Variants in ZNF536 observed in about 807,000 individuals in gnomAD.
ZNF536 encodes the protein zinc finger protein 536.
Under a neutral mutation model 84.5 loss-of-function variants are expected in ZNF536, and 13 were observed. The observed-to-expected ratio is 0.15, with a 90% CI of 0.10 to 0.24. ZNF536 has a LOEUF of 0.24. ZNF536 is among the 10% of genes least tolerant of loss of function. The pLI, the probability that ZNF536 is intolerant of heterozygous loss-of-function variation, is 1.00. For missense variants in ZNF536, 1,536 were observed against 1,747.5 expected (o/e 0.88, Z 2.16); for synonymous variants, 811 against 742.5 (o/e 1.09, Z -1.50).
chr19:30,388,193 C>T (rs2049425641), intron 1 of ZNF536, among the ~76,000 whole-genome samples: 1 of 152,218 alleles, frequency 6.6e-6, no homozygotes. Context: ...TGGCCTACTT[C>T]AGTCAACCTG....
At chr19:30,712,687 C>T (rs2052488294) in exon 2 of ZNF536, 1 of 152,226 alleles carries the variant, frequency 6.6e-6, no homozygotes, top group Non-Finnish European at 1.5e-5. Context: ...TTGGACCCAT[C>T]TGGCATAGAG....
intron 1 of ZNF536, among the ~76,000 whole-genome samples, chr19:30,408,776 T>A (rs1005006033): frequency 2.6e-5 from 4 of 151,206 alleles, no homozygotes; most frequent in African/African-American, 7.3e-5. Flanking sequence ...TATCCTTCCA[T>A]CTATTCATAC....
chr19:30,326,390 G>A (rs544271095), intron 2 of ZNF536, among the ~76,000 whole-genome samples: 1 of 152,338 alleles, frequency 6.6e-6, no homozygotes, highest in South Asian at 2.1e-4. Context: ...GAGACAGGGT[G>A]CTAATTTGGG....
intron 3 of ZNF536, among the ~76,000 whole-genome samples, chr19:30,358,382 G>T (rs2048165351): frequency 6.6e-6 from 1 of 152,130 alleles, no homozygotes; most frequent in South Asian, 2.1e-4. Context: ...GGATGCCCAG[G>T]CAGATCCAGA....
At chr19:30,285,281 A>G (rs2045587528) in intron 2 of ZNF536, among the ~76,000 whole-genome samples, 2 of 152,210 alleles carry the variant, frequency 1.3e-5, no homozygotes, top group Admixed American at 1.3e-4. Context: ...GAAATTCACA[A>G]TTCTTTGCCT....
intron 2 of ZNF536, among the ~76,000 whole-genome samples, chr19:30,511,787 A>G (rs991624600): frequency 2.0e-5 from 3 of 152,238 alleles, no homozygotes; most frequent in Admixed American, 1.3e-4. Flanking sequence ...TGGGTGGGGT[A>G]AAATGCAAGG....
upstream of ZNF536, among the ~76,000 whole-genome samples, chr19:30,370,107 A>G (rs896054782): frequency 4.6e-5 from 7 of 152,198 alleles, no homozygotes; most frequent in African/African-American, 1.7e-4. Context: ...AGACACTTCA[A>G]ACAGTTCTCC....
In ZNF536 at chr19:30,577,012, G is replaced by C. The variant is rs58774793; in HGVS notation, c.169+27498G>C. On this transcript the variant is annotated intron_variant, in intron 1 of 1. Coordinates refer to the ZNF536 transcript ENST00000592773. ...TGTTTTTTGTTGTTGTTGTTGTTTT[G>C]TTTCTTAAACACCTTGATAGGTTTT... 9.4e-3 allele frequency among the ~76,000 whole-genome samples: 1,431 copies of C among 152,188 alleles called. 23 individuals carry two copies. Among genetic ancestry groups the C allele is most frequent in the African/African-American group, 0.033 (1,379 of 41,504 alleles).
At chr19:30,422,871 A>T (rs956415132) in intron 1 of ZNF536, among the ~76,000 whole-genome samples, 11 of 117,034 alleles carry the variant, frequency 9.4e-5, no homozygotes, top group African/African-American at 3.8e-4. Flanking sequence ...CCATCCATCC[A>T]TCCATCCATC....
chr19:30,429,077 G>C (rs1037547968), intron 1 of ZNF536, among the ~76,000 whole-genome samples: 3 of 152,200 alleles, frequency 2.0e-5, no homozygotes, highest in African/African-American at 7.2e-5. Flanking sequence ...GTGGTTTAAG[G>C]GGGTGGAGGA....
chr19:30,348,806 T>C (rs1462731539), intron 2 of ZNF536, among the ~76,000 whole-genome samples: 1 of 105,802 alleles, frequency 9.5e-6, no homozygotes, highest in African/African-American at 3.1e-5. Flanking sequence ...TTTCTTTTTT[T>C]TTCTTTTCTT....
chr19:30,659,520 T>C (rs953744469), intron 1 of ZNF536, among the ~76,000 whole-genome samples: 1 of 151,982 alleles, frequency 6.6e-6, no homozygotes, highest in Non-Finnish European at 1.5e-5. Flanking sequence ...CTGGGTAATT[T>C]ATAAAGAAAA....
chr19:30,508,554 GC>G (rs1468385954), intron 2 of ZNF536, among the ~76,000 whole-genome samples: 1 of 152,138 alleles, frequency 6.6e-6, no homozygotes, highest in Non-Finnish European at 1.5e-5. Flanking sequence ...AGTCTTTGCG[GC>G]CCACAGAGAA....
At chr19:30,268,791 C>T (rs1417450423) in intron 1 of ZNF536, among the ~76,000 whole-genome samples, 5 of 152,178 alleles carry the variant, frequency 3.3e-5, no homozygotes, top group Non-Finnish European at 7.3e-5. Flanking sequence ...TGGGGGTTTT[C>T]CTTCTTGAGC....
Position 30,354,038 on chromosome 19 carries a change from G to A in ZNF536, c.-3+1554G>A, listed in dbSNP as rs980998065. Among the ~76,000 whole-genome samples the A allele has an allele frequency of 3.3e-5, 5 of 152,292 alleles. No individual in the cohort carries two copies. The East Asian group carries it at 5.8e-4, about 18-fold the overall frequency. The stretch of plus-strand genomic sequence containing the variant: ...GCTGCCATTTCCCCTGATCCCAATC[G>A]GGATGGGTAGGGAAGAGAAGGATGA... On this transcript the variant is annotated intron_variant, in intron 3 of 5. Transcript: ENST00000585628.
intron 1 of ZNF536, among the ~76,000 whole-genome samples, chr19:30,643,642 G>A (rs547408518): frequency 5.3e-5 from 8 of 151,990 alleles, no homozygotes; most frequent in South Asian, 4.2e-4. Context: ...GCCAGCTATC[G>A]CAAAGCAATT....
rs1303850351 is a variant in ZNF536, at chr19:30,300,704, A to C, written c.-120+16563A>C. ...CATTTCATTTAAACTTCCTGCGTGA[A>C]GGAACTCAGGGCAGAGCCCAGAGCA... On this transcript the variant is annotated intron_variant, in intron 2 of 5. Transcript: ENST00000585628. The C allele has an allele frequency of 2.0e-5, 3 of 152,242 alleles. No individual in the cohort carries two copies. In the East Asian group the frequency reaches 5.8e-4, roughly 29 times the overall value. 9.4% of individuals were successfully genotyped at this position (152,242 alleles called of 1,614,324 possible).
chr19:30,381,394 GA>G (rs2049016450), intron 1 of ZNF536, among the ~76,000 whole-genome samples: 1 of 152,180 alleles, frequency 6.6e-6, no homozygotes, highest in Admixed American at 6.5e-5. Flanking sequence ...ATTCCCACTG[GA>G]AAAAAGTGGA....
chr19:30,413,855 G>C (rs955282402), intron 1 of ZNF536, among the ~76,000 whole-genome samples: 1 of 151,984 alleles, frequency 6.6e-6, no homozygotes, highest in South Asian at 2.1e-4. Context: ...ATTTTGGGAG[G>C]CCGAGGTGGG....
Sources: allele counts gnomAD v4.1 joint callset (sites outside exome capture counted in the v4.1 genomes callset), GRCh38; gene constraint gnomAD v4.1.1; transcripts MANE v1.5; gene names NCBI Gene and HGNC (gene_info 2026-07-23, HGNC 2026-07-21).